RALGPS1: variants seen among roughly 807,000 people sequenced by gnomAD.
RALGPS1 encodes Ral GEF with PH domain and SH3 binding motif 1.
In RALGPS1, 19 loss-of-function variants were observed where a neutral mutation model predicts 78.8. That is an observed-to-expected ratio of 0.24 (90% CI 0.17 to 0.35). The LOEUF (loss-of-function observed/expected upper bound fraction) is 0.35, where lower values mean the gene tolerates loss of function less well. Among genes scored for constraint, RALGPS1 ranks in the 10% least tolerant of loss-of-function variants. The pLI is 1.00. For missense variants in RALGPS1, 454 were observed against 688.3 expected, an observed-to-expected ratio of 0.66 and a Z score of 3.81; for synonymous variants, 228 against 256.3, an observed-to-expected ratio of 0.89 and a Z score of 1.06.
intron 4 of RALGPS1, among the ~76,000 whole-genome samples, chr9:126,978,709 G>A (rs1476663520): frequency 6.6e-6 from 1 of 152,050 alleles, no homozygotes; most frequent in African/African-American, 2.4e-5. Context: ...CATCCAGAGA[G>A]CCACCAGGAC....
intron 7 of RALGPS1, among the ~76,000 whole-genome samples, chr9:127,062,775 TAC>T (rs1285450440): frequency 6.6e-6 from 1 of 152,218 alleles, no homozygotes; most frequent in Admixed American, 6.5e-5. Context: ...AAATTTCAGT[TAC>T]AGTTTTTCCT....
At chr9:127,067,293 G>C (rs938963540) in intron 7 of RALGPS1, among the ~76,000 whole-genome samples, 1 of 152,206 alleles carries the variant, frequency 6.6e-6, no homozygotes, top group African/African-American at 2.4e-5. Flanking sequence ...AGTGGGAAAA[G>C]AAAAGTTCAC....
At position 127,212,321 on chromosome 9, in the gene RALGPS1, C is replaced by CA. The variant is rs758706116; in HGVS notation, c.1353+86dup. On this transcript the variant is annotated intron_variant, in intron 15 of 18. Transcript: ENST00000259351. The surrounding 1 kb of genome is among the most constrained non-coding windows in gnomAD (Gnocchi z 6.0). ...CACTCCTAGAGGTCTCAGCAAAAGT[C>CA]ACATGCATGGCAGAGGCTCTGCTTG... 8.7e-6 allele frequency: 9 copies of CA among 1,035,574 alleles called. No homozygotes were observed. Among genetic ancestry groups the CA allele is most frequent in the Non-Finnish European group, 1.3e-5 (9 of 710,106 alleles). The allele number at this position is 1,035,574 out of a possible 1,614,324, so 64.1% of individuals were successfully genotyped here.
intron 8 of RALGPS1, among the ~76,000 whole-genome samples, chr9:127,150,632 C>A (rs1273901399): frequency 6.6e-6 from 1 of 152,250 alleles, no homozygotes; most frequent in African/African-American, 2.4e-5. Context: ...CATGAGGCAT[C>A]CTCGTCCCCA....
chr9:127,111,112 C>T (rs570789799), intron 8 of RALGPS1, among the ~76,000 whole-genome samples: 11 of 152,318 alleles, frequency 7.2e-5, no homozygotes, highest in African/African-American at 2.6e-4. Flanking sequence ...CGATCATCTC[C>T]TCCAACCACC....
intron 3 of RALGPS1, among the ~76,000 whole-genome samples, chr9:126,974,773 C>T (rs182562702): frequency 2.1e-3 from 322 of 152,166 alleles, no homozygotes; most frequent in African/African-American, 7.2e-3. Flanking sequence ...TGCTTGGAAA[C>T]GAGAGTGGGA....
At chr9:127,151,915 CCTTCT>C (rs1247999737) in intron 8 of RALGPS1, among the ~76,000 whole-genome samples, 1 of 152,148 alleles carries the variant, frequency 6.6e-6, no homozygotes, top group Non-Finnish European at 1.5e-5. Context: ...CCCTTCTTCC[CCTTCT>C]CTTTTCATTG....
At chr9:127,137,246 A>C (rs2057461144) in intron 8 of RALGPS1, among the ~76,000 whole-genome samples, 1 of 152,168 alleles carries the variant, frequency 6.6e-6, no homozygotes, top group Non-Finnish European at 1.5e-5. Context: ...CCCGGGCCAC[A>C]GTGTATCCTG....
chr9:127,166,111 C>G lies in RALGPS1; in HGVS notation c.653C>G (p.Pro218Arg). 6.2e-7 allele frequency: 1 copy of G among 1,611,758 alleles called. No individual in the cohort carries two copies. The highest frequency in any genetic ancestry group is 8.5e-7 in the Non-Finnish European group (1 of 1,179,402). Residue 218 changes from proline to arginine, a missense_variant, in exon 9 of 19, where the codon CCT (proline) becomes CGT (arginine). By Grantham distance (103) the Pro-to-Arg change is moderately radical (BLOSUM62 -2). Transcript: ENST00000259351. ...LDLIYIDSAYPASGSIMENEQ... is the reference protein window; with the variant it reads ...LDLIYIDSAYRASGSIMENEQ... ...TTAATCTACATTGATTCTGCATATC[C>G]TGCCTCAGGCAGTATCATGGAAAAT...
chr9:127,101,235 T>C (rs79881767), intron 8 of RALGPS1, among the ~76,000 whole-genome samples: 8,140 of 152,340 alleles, frequency 0.053, 254 homozygotes, highest in Middle Eastern at 0.071. Context: ...TGCACACCGT[T>C]TCATTTCATC....
In RALGPS1 at chr9:127,186,507, C is replaced by T. The variant is rs138193290; in HGVS notation, c.911-8584C>T. Among the ~76,000 whole-genome samples the T allele has an allele frequency of 2.0e-5, 3 of 152,352 alleles. No individual in the cohort carries two copies. The East Asian group carries it at 5.8e-4, about 29-fold the overall frequency. ...AGCTCACAAGCGGTCCCAGAAGACA[C>T]GTGTCCCTGGTGCTGTCACGTGGTG... On this transcript the variant is annotated intron_variant, in intron 11 of 18. Coordinates refer to ENST00000259351, the MANE Select transcript of RALGPS1 (RefSeq NM_014636.3).
chr9:127,142,313 C>T (rs2057835338), intron 8 of RALGPS1, among the ~76,000 whole-genome samples: 1 of 152,208 alleles, frequency 6.6e-6, no homozygotes, highest in South Asian at 2.1e-4. Flanking sequence ...AGGTGATCAT[C>T]CACTGTGCAG....
chr9:126,994,479 A>G (rs2042554625), intron 4 of RALGPS1, among the ~76,000 whole-genome samples: 1 of 152,202 alleles, frequency 6.6e-6, no homozygotes, highest in African/African-American at 2.4e-5. Flanking sequence ...AAGTTTAGAG[A>G]AAAAAGAGTA....
intron 4 of RALGPS1, among the ~76,000 whole-genome samples, chr9:127,023,088 C>T (rs944181090): frequency 2.0e-5 from 3 of 152,028 alleles, no homozygotes; most frequent in African/African-American, 4.8e-5. Context: ...AACTCTTTCC[C>T]TTCTTCAAAC....
At chr9:127,070,651 C>T (rs1300638005) in intron 8 of RALGPS1, among the ~76,000 whole-genome samples, 1 of 151,776 alleles carries the variant, frequency 6.6e-6, no homozygotes, top group African/African-American at 2.4e-5. Flanking sequence ...AAAAATACTT[C>T]TTGTAGTTTG....
chr9:127,089,171 G>C (rs956146815), intron 8 of RALGPS1: 1 of 1,610,418 alleles, frequency 6.2e-7, no homozygotes, highest in Non-Finnish European at 8.5e-7. Flanking sequence ...AGGGTGTCTG[G>C]GAGGAGGCCA....
chr9:127,130,382 A>G (rs958298518), intron 8 of RALGPS1, among the ~76,000 whole-genome samples: 5 of 152,116 alleles, frequency 3.3e-5, no homozygotes, highest in Non-Finnish European at 7.4e-5. Flanking sequence ...TTGGGTTTCT[A>G]ATACACTTGG....
At chr9:127,140,385 G>T (rs964660833) in intron 8 of RALGPS1, among the ~76,000 whole-genome samples, 10 of 152,210 alleles carry the variant, frequency 6.6e-5, no homozygotes, top group Non-Finnish European at 1.3e-4. Context: ...TGAACGGGAT[G>T]TACCCAGGGG....
At chr9:127,195,037 C>A in intron 11 of RALGPS1, 54 bp from the exon 12 acceptor site, 3 of 1,598,840 alleles carry the variant, frequency 1.9e-6, no homozygotes, top group Non-Finnish European at 2.6e-6. Context: ...GCCTGTGCAG[C>A]CCCTCACCCT....
Sources: gnomAD v4.1 joint callset for allele counts (sites outside exome capture counted in the v4.1 genomes callset) on GRCh38, gnomAD v4.1.1 for gene constraint, Gnocchi (gnomAD v3.1) non-coding constraint, MANE v1.5 for transcripts, NCBI Gene and HGNC (gene_info 2026-07-23, HGNC 2026-07-21) for gene names.